Variants in UBE2J1 observed in about 807,000 individuals in gnomAD.
UBE2J1 encodes the protein ubiquitin-conjugating enzyme E2 J1.
A neutral mutation model predicts 42.1 loss-of-function variants in UBE2J1; 17 were observed. The observed-to-expected ratio is 0.40, with a 90% CI of 0.28 to 0.61. The LOEUF (loss-of-function observed/expected upper bound fraction) is 0.61, where lower values mean the gene tolerates loss of function less well. Ranked by LOEUF, UBE2J1 falls within the 20% of genes least tolerant of loss-of-function variation. The probability of loss-of-function intolerance (pLI) is 0.38; values close to 1 mark genes in which losing one functional copy is unlikely to be tolerated. For synonymous variants in UBE2J1, 127 were observed against 137.2 expected, an observed-to-expected ratio of 0.93 and a Z score of 0.52; for missense variants, 291 against 389.4, an observed-to-expected ratio of 0.75 and a Z score of 2.13.
intron 1 of UBE2J1, among the ~76,000 whole-genome samples, chr6:89,348,748 T>A (rs1370541002): frequency 6.6e-6 from 1 of 152,224 alleles, no homozygotes; most frequent in African/African-American, 2.4e-5. Flanking sequence ...CAAGTATATA[T>A]GTACAAGTAT....
intron 7 of UBE2J1, among the ~76,000 whole-genome samples, chr6:89,332,251 A>T (rs1768023621): frequency 6.6e-6 from 1 of 152,238 alleles, no homozygotes; most frequent in South Asian, 2.1e-4. Context: ...TCTGTTACCA[A>T]AAAGACTTCC....
Position 89,329,910 on chromosome 6 carries a change from T to C in UBE2J1, c.726A>G (p.Gln242=), listed in dbSNP as rs114301577. The C allele has an allele frequency of 8.1e-4, 1,315 of 1,614,000 alleles. 10 individuals are homozygous for C. In the African/African-American group the frequency reaches 0.016, roughly 19 times the overall value. Residue 242 remains glutamine (Q), a synonymous_variant, in exon 8 of 8, where the codon CAA becomes CAG. Transcript: ENST00000435041. ...TCATGGAGGTATTCTTAGCTACAGG[T>C]TGGGTAGGTTGATGAAAGGATGCTG... ...SSAASFHQPT[Q]PVAKNTSMSP...
At chr6:89,351,172 C>T (rs563764658) in intron 1 of UBE2J1, among the ~76,000 whole-genome samples, 14 of 147,318 alleles carry the variant, frequency 9.5e-5, no homozygotes, top group Admixed American at 6.9e-4. Flanking sequence ...ACCTCCTCCC[C>T]GGGTCAAGCC....
In UBE2J1 at chr6:89,338,496, T is replaced by A. The variant is rs1456687674; in HGVS notation, c.285A>T (p.Ser95=). The change falls in exon 4 of 8, where the codon TCA becomes TCT. Residue 95 remains serine, a synonymous_variant. Coordinates refer to ENST00000435041, the MANE Select transcript of UBE2J1 (RefSeq NM_016021.3). ...EVGKKICLSI[S]GHHPETWQPS... is the part of the protein sequence containing the mutation. ...GCTGCCAAGTTTCAGGATGATGGCC[T>A]GAGATGCTCAAACAGATTTTCTTGC... The A allele has an allele frequency of 1.2e-6, 2 of 1,601,782 alleles. No homozygotes were observed. The highest frequency in any genetic ancestry group is 1.7e-6 in the Non-Finnish European group (2 of 1,176,864).
chr6:89,343,039 G>A lies in UBE2J1; in HGVS notation c.106-584C>T, dbSNP rs116476731. Among the ~76,000 whole-genome samples, 675 of 152,198 alleles carry A rather than the reference G, an allele frequency of 4.4e-3. 7 individuals carry two copies. Among genetic ancestry groups the A allele is most frequent in the African/African-American group, 0.015 (638 of 41,516 alleles). On this transcript the variant is annotated intron_variant, in intron 2 of 7. Coordinates refer to ENST00000435041, the MANE Select transcript of UBE2J1 (RefSeq NM_016021.3). ...ACAAATGAGAAGACTGAGAGAGGCC[G>A]AGATGTTTATACAAAAAGCCTTGAG...
chr6:89,338,653 G>GTTTTTTTTTTTTTTTTTTTTTTT (rs1486254673), intron 3 of UBE2J1, 110 bp from the exon 4 acceptor site: 2 of 120,570 alleles, frequency 1.7e-5, no homozygotes, highest in East Asian at 2.8e-4. Context: ...ATCTTAAAAA[G>GTTTTTTTTTTTTTTTTTTTTTTT]TTTGTTTTTT....
rs764646641 is a variant in UBE2J1 at position 89,329,661 on chromosome 6, A to G, written c.*18T>C. 2.9e-5 allele frequency: 47 copies of G among 1,613,420 alleles called. No individual in the cohort carries two copies. Among genetic ancestry groups the G allele is most frequent in the African/African-American group, 4.0e-5 (3 of 74,908 alleles). On this transcript the variant is annotated 3_prime_UTR_variant, in exon 8 of 8. Transcript: ENST00000435041. The stretch of plus-strand genomic sequence containing the variant: ...TAATGAAGCAGTTGAGTCACAGCTC[A>G]TAAGTCACAAAACCATATTATAACT...
intron 1 of UBE2J1, among the ~76,000 whole-genome samples, chr6:89,347,156 G>A (rs1768379882): frequency 6.6e-6 from 1 of 152,202 alleles, no homozygotes; most frequent in Non-Finnish European, 1.5e-5. Flanking sequence ...CAGTGGAAGG[G>A]CCTGCGGACT....
chr6:89,352,478 G>A, intron 1 of UBE2J1, 61 bp downstream of exon 1: 2 of 1,503,706 alleles, frequency 1.3e-6, no homozygotes, highest in Non-Finnish European at 1.8e-6. Flanking sequence ...CCGAGGCGGC[G>A]ACCACCCCGG....
At chr6:89,348,927 C>T (rs1318566312) in intron 1 of UBE2J1, among the ~76,000 whole-genome samples, 4 of 152,284 alleles carry the variant, frequency 2.6e-5, no homozygotes, top group South Asian at 4.1e-4. Context: ...GAGAGTCATT[C>T]AGGCAAAATG....
chr6:89,351,173 G>A (rs752305736), intron 1 of UBE2J1, among the ~76,000 whole-genome samples: 6 of 130,972 alleles, frequency 4.6e-5, no homozygotes, highest in South Asian at 5.4e-4. Flanking sequence ...CCTCCTCCCC[G>A]GGTCAAGCCA....
intron 3 of UBE2J1, among the ~76,000 whole-genome samples, chr6:89,340,407 C>T (rs377460063): frequency 1.3e-5 from 2 of 152,204 alleles, no homozygotes; most frequent in Non-Finnish European, 2.9e-5. Flanking sequence ...CCCCGAAGAC[C>T]ACTTAGCTCT....
chr6:89,338,314 A>T lies in UBE2J1; in HGVS notation c.323-4T>A. 1 of 1,610,180 alleles carries T rather than the reference A, an allele frequency of 6.2e-7. No individual in the cohort carries two copies. Among genetic ancestry groups the T allele is most frequent in the Non-Finnish European group, 8.5e-7 (1 of 1,178,534 alleles). On this transcript the variant is annotated splice_region_variant and splice_polypyrimidine_tract_variant and intron_variant, in intron 4 of 7. Transcript: ENST00000435041. ...ATGGCTAATAATGCTGTCCTTACTGAAATAAAAAAGTAAATATCAATCTAA... is the reference window on the plus strand; with the variant it reads ...ATGGCTAATAATGCTGTCCTTACTGTAATAAAAAAGTAAATATCAATCTAA...
At chr6:89,338,578 ACATG>A in intron 3 of UBE2J1, 35 bp from the exon 4 acceptor site, 1 of 1,243,036 alleles carries the variant, frequency 8.0e-7, no homozygotes, top group Admixed American at 2.5e-5. Context: ...AAAATTAAAT[ACATG>A]TGCTTAATGT....
chr6:89,337,226 C>A (rs79494671), intron 5 of UBE2J1, among the ~76,000 whole-genome samples: 1 of 136,016 alleles, frequency 7.4e-6, no homozygotes. Context: ...AACTCCAGTT[C>A]TTTTTTTTTT....
At chr6:89,330,137 A>AG (rs1473461422) in intron 7 of UBE2J1, among the ~76,000 whole-genome samples, 180 bp from the exon 8 acceptor site, 5 of 152,180 alleles carry the variant, frequency 3.3e-5, no homozygotes, top group African/African-American at 1.2e-4. Context: ...TTCAAAAAAA[A>AG]GTCATAAGTT....
At chr6:89,338,945 A>G (rs143082129) in intron 3 of UBE2J1, among the ~76,000 whole-genome samples, 3,512 of 151,970 alleles carry the variant, frequency 0.023, 58 homozygotes, top group African/African-American at 0.046. Flanking sequence ...GATTACAGGC[A>G]TGAGCCACCG....
intron 3 of UBE2J1, among the ~76,000 whole-genome samples, chr6:89,340,861 C>T (rs1224797470): frequency 3.3e-5 from 5 of 151,276 alleles, no homozygotes; most frequent in African/African-American, 7.3e-5. Flanking sequence ...CTGCAAGCTC[C>T]GCTTCCCGGG....
chr6:89,335,318 C>G lies in UBE2J1; in HGVS notation c.542G>C (p.Arg181Thr). The change falls in exon 6 of 8, where the codon AGG (arginine) becomes ACG (threonine). Residue 181 changes from arginine (R) to threonine (T), a missense_variant. Physicochemically the swap from Arg to Thr is moderately conservative, Grantham distance 71. Transcript: ENST00000435041. ...QADQEAKELA[R>T]QISFKAEVNS... ...TTATAGTACCTTAAAGCTTATTTGC[C>G]TAGCCAGTTCTTTGGCTTCTTGGTC... is the stretch of plus-strand genomic sequence containing the variant. 1 of 1,600,646 alleles carries G rather than the reference C, an allele frequency of 6.2e-7. No homozygotes were observed. The highest frequency in any genetic ancestry group is 8.5e-7 in the Non-Finnish European group (1 of 1,172,582).
Sources: allele counts gnomAD v4.1 joint callset (sites outside exome capture counted in the v4.1 genomes callset), GRCh38; gene constraint gnomAD v4.1.1; transcripts MANE v1.5; gene names NCBI Gene and HGNC (gene_info 2026-07-23, HGNC 2026-07-21).